Variants in GABRG3 observed in about 807,000 individuals in gnomAD.
GABRG3 encodes gamma-aminobutyric acid receptor subunit gamma-3.
A neutral mutation model predicts 48.8 loss-of-function variants in GABRG3; 25 were observed. That is an observed-to-expected ratio of 0.51 (90% confidence interval 0.37 to 0.72). The LOEUF (loss-of-function observed/expected upper bound fraction) is 0.72. GABRG3 is among the 30% of genes least tolerant of loss of function. GABRG3 has a pLI of 0.00. For synonymous variants in GABRG3, 227 were observed against 217.6 expected (o/e 1.04, Z -0.38); for missense variants, 394 against 577.9 (o/e 0.68, Z 3.26).
intron 6 of GABRG3, among the ~76,000 whole-genome samples, chr15:27,484,384 T>A (rs1890171218): frequency 6.6e-6 from 1 of 152,182 alleles, no homozygotes; most frequent in African/African-American, 2.4e-5. Flanking sequence ...TTCAAGGAAG[T>A]GTACCTTGGA....
chr15:27,396,116 G>A (rs28807761), intron 5 of GABRG3, among the ~76,000 whole-genome samples: 10,287 of 152,180 alleles, frequency 0.068, 390 homozygotes, highest in Middle Eastern at 0.12. Flanking sequence ...TGCCTGCCTC[G>A]GCCTCCCAAA....
At chr15:27,161,809 A>C (rs918169905) in intron 3 of GABRG3, among the ~76,000 whole-genome samples, 5 of 152,216 alleles carry the variant, frequency 3.3e-5, no homozygotes, top group Middle Eastern at 3.4e-3. Context: ...AGTTTAAAGC[A>C]TGTGCAGAAT....
At chr15:27,051,831 G>T (rs1896460544) in intron 3 of GABRG3, among the ~76,000 whole-genome samples, 1 of 152,234 alleles carries the variant, frequency 6.6e-6, no homozygotes, top group Non-Finnish European at 1.5e-5. Context: ...CCCTGAGCTT[G>T]TTTTCTAGCA....
rs879504269 is a variant in GABRG3, at chr15:27,180,485, C to T, written c.271-146324C>T. Among the ~76,000 whole-genome samples the T allele has an allele frequency of 8.6e-5, 13 of 152,012 alleles. No homozygotes were observed. Among genetic ancestry groups the T allele is most frequent in the Non-Finnish European group, 1.8e-4 (12 of 68,002 alleles). Reference sequence around the variant, plus strand: ...CCCTATGCTTGCACTAGATTCATCACGAAGCACCGACTGCTGCGCTTCCCT... The same window carrying T: ...CCCTATGCTTGCACTAGATTCATCATGAAGCACCGACTGCTGCGCTTCCCT... On this transcript the variant is annotated intron_variant, in intron 3 of 9. Transcript: ENST00000615808. This position sits in a 1 kb window ranked among gnomAD's most constrained non-coding sequence, Gnocchi z 4.2.
At chr15:27,189,884 T>C (rs1226241707) in intron 3 of GABRG3, among the ~76,000 whole-genome samples, 6 of 152,180 alleles carry the variant, frequency 3.9e-5, no homozygotes, top group Admixed American at 6.5e-5. Context: ...GCTCTTATTA[T>C]TTTGAGATAC....
chr15:27,286,760 C>G (rs1035124068), intron 3 of GABRG3, among the ~76,000 whole-genome samples: 2 of 152,134 alleles, frequency 1.3e-5, no homozygotes, highest in South Asian at 4.2e-4. Flanking sequence ...TAAGGAGTAC[C>G]TTGGTGAAGA....
intron 3 of GABRG3, among the ~76,000 whole-genome samples, chr15:27,229,974 G>A (rs1361162026): frequency 6.6e-6 from 1 of 152,154 alleles, no homozygotes; most frequent in Non-Finnish European, 1.5e-5. Flanking sequence ...GCTTGAATCT[G>A]TAAATTTCTT....
At chr15:27,056,320 T>C (rs1430853005) in intron 3 of GABRG3, among the ~76,000 whole-genome samples, 2 of 130,466 alleles carry the variant, frequency 1.5e-5, no homozygotes, top group Non-Finnish European at 3.1e-5. Context: ...GCCACTGCAC[T>C]CCAGCCTGGT....
Position 27,307,066 on chromosome 15 carries a change from T to A in GABRG3, c.271-19743T>A, listed in dbSNP as rs1275667412. Among the ~76,000 whole-genome samples the A allele has an allele frequency of 4.0e-5, 5 of 125,774 alleles. No homozygotes were observed. The East Asian group carries it at 1.1e-3, about 28-fold the overall frequency. 82.5% of individuals were successfully genotyped at this position (125,774 alleles called of 152,430 possible). Reference sequence around the variant, plus strand: ...AAACATGTTTATATATAAACATGTATAATATAAACATGTTTATATATAAAC... The same window carrying A: ...AAACATGTTTATATATAAACATGTAAAATATAAACATGTTTATATATAAAC... On this transcript the variant is annotated intron_variant, in intron 3 of 9. Transcript: ENST00000615808.
At chr15:27,119,443 C>G (rs1897695209) in intron 3 of GABRG3, among the ~76,000 whole-genome samples, 1 of 152,178 alleles carries the variant, frequency 6.6e-6, no homozygotes, top group Non-Finnish European at 1.5e-5. Context: ...GAAATATGTC[C>G]TGTAGACGTG....
intron 3 of GABRG3, among the ~76,000 whole-genome samples, chr15:27,295,432 G>A (rs1007640982): frequency 5.9e-5 from 9 of 152,022 alleles, no homozygotes; most frequent in Non-Finnish European, 1.2e-4. Context: ...TGATAATGGC[G>A]AACGAGGGAG....
chr15:27,206,747 A>T (rs898626549), intron 3 of GABRG3, among the ~76,000 whole-genome samples: 1 of 152,174 alleles, frequency 6.6e-6, no homozygotes, highest in Non-Finnish European at 1.5e-5. Context: ...TGTCGGGTGC[A>T]TATATATTTA....
At chr15:27,355,947 G>A (rs912952752) in intron 5 of GABRG3, among the ~76,000 whole-genome samples, 4 of 152,120 alleles carry the variant, frequency 2.6e-5, no homozygotes, top group East Asian at 1.9e-4. Context: ...AGTGAATGCC[G>A]GGGGTTGGGA....
intron 5 of GABRG3, among the ~76,000 whole-genome samples, chr15:27,342,888 C>T (rs146679179): frequency 0.033 from 5,101 of 152,280 alleles, 204 homozygotes; most frequent in African/African-American, 0.095. Flanking sequence ...AGAAGCTTCA[C>T]GTTGTTGCCC....
chr15:27,418,367 C>T (rs151050319), intron 5 of GABRG3, among the ~76,000 whole-genome samples: 1 of 152,214 alleles, frequency 6.6e-6, no homozygotes, highest in Non-Finnish European at 1.5e-5. Flanking sequence ...GGTGCGTGGC[C>T]TCAGGAAGCA....
In GABRG3 at chr15:27,532,660, G is replaced by A. The variant is rs375624145; in HGVS notation, c.1183G>A (p.Val395Ile). The part of the protein sequence containing the change: ...PTAMITLNNS[V>I]YWQEFEDTCV... ...TGCGATGATCACTTTAAACAATTCC[G>A]TTTACTGGCAGGAATTTGAAGATAC... is the stretch of plus-strand genomic sequence containing the variant. Residue 395 changes from valine (V) to isoleucine (I), a missense_variant, in exon 10 of 10, where the codon GTT (valine) becomes ATT (isoleucine). By Grantham distance (29) the Val-to-Ile change is conservative. Coordinates refer to ENST00000615808, the MANE Select transcript of GABRG3 (RefSeq NM_033223.5). 32 of 1,613,780 alleles carry A rather than the reference G, an allele frequency of 2.0e-5. No homozygotes were observed. The Admixed American group carries it at 2.5e-4, about 13-fold the overall frequency.
At chr15:27,395,584 T>C (rs1337950476) in intron 5 of GABRG3, among the ~76,000 whole-genome samples, 1 of 152,144 alleles carries the variant, frequency 6.6e-6, no homozygotes, top group Non-Finnish European at 1.5e-5. Context: ...AATTAACCCA[T>C]ACTAATACGG....
At chr15:27,405,172 C>T (rs987085836) in intron 5 of GABRG3, among the ~76,000 whole-genome samples, 1 of 152,016 alleles carries the variant, frequency 6.6e-6, no homozygotes, top group Non-Finnish European at 1.5e-5. Flanking sequence ...CTGTATAGAA[C>T]GTAAAATAAA....
intron 3 of GABRG3, among the ~76,000 whole-genome samples, chr15:27,122,620 C>G (rs1020994737): frequency 6.6e-6 from 1 of 152,206 alleles, no homozygotes; most frequent in Non-Finnish European, 1.5e-5. Context: ...AACTCCTCTC[C>G]TACAGAATGG....
Sources: allele counts gnomAD v4.1 joint callset (sites outside exome capture counted in the v4.1 genomes callset), GRCh38; gene constraint gnomAD v4.1.1; non-coding constraint Gnocchi (gnomAD v3.1); transcripts MANE v1.5; gene names NCBI Gene and HGNC (gene_info 2026-07-23, HGNC 2026-07-21).